Variants in ACACA observed in about 807,000 individuals in gnomAD.
ACACA encodes acetyl-CoA carboxylase alpha.
ACACA carries 103 observed loss-of-function variants against 296.1 expected under a neutral mutation model. That is an observed-to-expected ratio of 0.35 (90% CI 0.30 to 0.41). The LOEUF is 0.41. Among genes scored for constraint, ACACA ranks in the 10% least tolerant of loss-of-function variants. ACACA has a pLI of 1.00. For missense variants in ACACA, 1,554 were observed against 2,989.7 expected (o/e 0.52, Z 11.20); for synonymous variants, 953 against 1,038.6 (o/e 0.92, Z 1.58).
intron 3 of ACACA, among the ~76,000 whole-genome samples, chr17:37,320,946 CA>C (rs1208839080): frequency 6.3e-5 from 8 of 126,790 alleles, no homozygotes; most frequent in Admixed American, 1.6e-4. Flanking sequence ...GACTCCATCT[CA>C]AAAAAAAAAG....
chr17:37,382,968 C>T (rs1345966796), intron 1 of ACACA, among the ~76,000 whole-genome samples: 5 of 152,102 alleles, frequency 3.3e-5, no homozygotes, highest in African/African-American at 4.8e-5. Flanking sequence ...ACCCGGGAGG[C>T]GGAGGTTGCA....
intron 29 of ACACA, 64 bp from the exon 30 acceptor site, chr17:37,210,554 C>T (rs1052028456): frequency 1.2e-5 from 18 of 1,504,330 alleles, no homozygotes; most frequent in Non-Finnish European, 1.6e-5. Context: ...AAAGAATTGT[C>T]AGAGCAGATA....
At chr17:37,094,007 T>A (rs2072814957) in intron 54 of ACACA, among the ~76,000 whole-genome samples, 1 of 152,186 alleles carries the variant, frequency 6.6e-6, no homozygotes, top group African/African-American at 2.4e-5. Flanking sequence ...ACTATTGGGG[T>A]CTGGGAAAAA....
At chr17:37,129,306 G>T in intron 47 of ACACA, 59 bp downstream of exon 47, 1 of 1,605,228 alleles carries the variant, frequency 6.2e-7, no homozygotes, top group South Asian at 1.1e-5. Context: ...GATAGTGATT[G>T]AAAAGAACGC....
intron 39 of ACACA, among the ~76,000 whole-genome samples, chr17:37,182,823 G>A (rs2077376321): frequency 6.6e-6 from 1 of 152,182 alleles, no homozygotes; most frequent in Non-Finnish European, 1.5e-5. Flanking sequence ...CAGTTCATCT[G>A]TAAATCCTTA....
intron 43 of ACACA, 121 bp from the exon 44 acceptor site, chr17:37,151,542 G>A (rs2144145496): frequency 8.5e-7 from 1 of 1,177,856 alleles, no homozygotes; most frequent in Middle Eastern, 2.4e-4. Flanking sequence ...TAATGCCAGG[G>A]CTTTATGTGC....
At chr17:37,312,895 T>C (rs1048234593) in intron 3 of ACACA, among the ~76,000 whole-genome samples, 2 of 151,936 alleles carry the variant, frequency 1.3e-5, no homozygotes, top group African/African-American at 4.8e-5. Context: ...AAAAAAAATA[T>C]ATAAAGGGAA....
chr17:37,245,002 A>G (rs2080621117), intron 20 of ACACA, 78 bp downstream of exon 20: 2 of 1,597,460 alleles, frequency 1.3e-6, no homozygotes, highest in Non-Finnish European at 1.7e-6. Context: ...CAAACCAAGC[A>G]TTGAAATCAC....
chr17:37,097,195 C>G lies in ACACA; in HGVS notation c.6721-29G>C. 1.2e-6 allele frequency: 2 copies of G among 1,609,082 alleles called. No homozygotes were observed. The highest frequency in any genetic ancestry group is 1.7e-6 in the Non-Finnish European group (2 of 1,179,316). ...CATGCAGAGAAGAATAAACTTAGCCCAGTCCTAATTCCTGCTTAATGCTCA... is the reference window on the plus strand; with the variant it reads ...CATGCAGAGAAGAATAAACTTAGCCGAGTCCTAATTCCTGCTTAATGCTCA... On this transcript the variant is annotated intron_variant, in intron 53 of 55. Coordinates refer to ENST00000616317, the MANE Select transcript of ACACA (RefSeq NM_198834.3). This position sits in a 1 kb window ranked among gnomAD's most constrained non-coding sequence, Gnocchi z 4.8.
At chr17:37,245,055 A>G in intron 20 of ACACA, 25 bp downstream of exon 20, 2 of 1,614,174 alleles carry the variant, frequency 1.2e-6, no homozygotes, top group Non-Finnish European at 1.7e-6. Context: ...TTAGAGAGCA[A>G]TATTCGGAGC....
At chr17:37,177,638 GACTAC>G (rs1187791905) in intron 41 of ACACA, among the ~76,000 whole-genome samples, 1 of 152,158 alleles carries the variant, frequency 6.6e-6, no homozygotes, top group Non-Finnish European at 1.5e-5. Context: ...CATTCCTGAA[GACTAC>G]ACTGTTCAAT....
intron 18 of ACACA, 42 bp downstream of exon 18, chr17:37,247,969 C>T (rs371861231): frequency 8.7e-6 from 14 of 1,612,572 alleles, no homozygotes; most frequent in African/African-American, 6.7e-5. Context: ...AGAGAAAAGG[C>T]TAACAGGATG....
chr17:37,122,485 G>C, intron 49 of ACACA, 46 bp downstream of exon 49: 3 of 1,519,944 alleles, frequency 2.0e-6, no homozygotes, highest in Non-Finnish European at 2.7e-6. Flanking sequence ...ACTGCGAAGA[G>C]AAAAACCCTC....
chr17:37,196,500 T>C (rs2078003972), intron 35 of ACACA, among the ~76,000 whole-genome samples: 2 of 152,064 alleles, frequency 1.3e-5, no homozygotes, highest in Non-Finnish European at 2.9e-5. Flanking sequence ...TTAACAGATG[T>C]AAAACTGTTT....
intron 45 of ACACA, among the ~76,000 whole-genome samples, chr17:37,144,812 A>AT (rs34861925): frequency 0.24 from 35,414 of 149,542 alleles, 4,956 homozygotes; most frequent in African/African-American, 0.37. Flanking sequence ...AGAGTATAGG[A>AT]TTTTTTTTTT....
intron 25 of ACACA, among the ~76,000 whole-genome samples, chr17:37,229,664 T>G (rs2079749906): frequency 6.6e-6 from 1 of 152,138 alleles, no homozygotes; most frequent in Non-Finnish European, 1.5e-5. Context: ...AGCACTTTTT[T>G]TTAAAAACCA....
intron 27 of ACACA, among the ~76,000 whole-genome samples, chr17:37,223,809 T>C (rs891983928): frequency 2.6e-5 from 4 of 152,246 alleles, no homozygotes; most frequent in Non-Finnish European, 5.9e-5. Context: ...AGTAAATACA[T>C]GTAAAATTCT....
At position 37,260,889 on chromosome 17, in the gene ACACA, C is replaced by T. The variant is rs192116963; in HGVS notation, c.1330-1359G>A. ...ATAAACTTCTATTTTTGGGGGGGTC[C>T]GCTGTGTTTTTTGGACCTTTTTGTT... is the stretch of plus-strand genomic sequence containing the variant. On this transcript the variant is annotated intron_variant, in intron 11 of 55. Transcript: ENST00000616317. 7.2e-5 allele frequency among the ~76,000 whole-genome samples: 11 copies of T among 152,104 alleles called. No individual in the cohort carries two copies. The East Asian group carries it at 9.7e-4, about 13-fold the overall frequency.
chr17:37,278,796 T>A (rs528515678), intron 5 of ACACA, among the ~76,000 whole-genome samples: 1 of 152,358 alleles, frequency 6.6e-6, no homozygotes, highest in African/African-American at 2.4e-5. Flanking sequence ...CCACCATTTA[T>A]AAATTTATTT....
Sources: allele counts gnomAD v4.1 joint callset (sites outside exome capture counted in the v4.1 genomes callset), GRCh38; gene constraint gnomAD v4.1.1; non-coding constraint Gnocchi (gnomAD v3.1); transcripts MANE v1.5; gene names NCBI Gene and HGNC (gene_info 2026-07-23, HGNC 2026-07-21).